Variants in SEC24D observed in about 807,000 individuals in gnomAD.
SEC24D encodes protein transport protein Sec24D.
A neutral mutation model predicts 116.9 loss-of-function variants in SEC24D; 69 were observed. The ratio of observed to expected loss-of-function variants is 0.59; its 90% CI spans 0.49 to 0.72. The LOEUF (loss-of-function observed/expected upper bound fraction) is 0.72. SEC24D is among the 30% of genes least tolerant of loss of function. The pLI is 0.00. For synonymous variants in SEC24D, 405 were observed against 442.8 expected (o/e 0.91, Z 1.07); for missense variants, 1,131 against 1,264.1 (o/e 0.89, Z 1.60).
At chr4:118,735,310 G>A (rs577293221) in intron 19 of SEC24D, among the ~76,000 whole-genome samples, 1 of 152,296 alleles carries the variant, frequency 6.6e-6, no homozygotes, top group South Asian at 2.1e-4. Context: ...TTTTTGAGGT[G>A]AGGAAGAAAA....
chr4:118,798,859 G>A (rs984423834), intron 7 of SEC24D, among the ~76,000 whole-genome samples: 3 of 152,254 alleles, frequency 2.0e-5, no homozygotes, highest in Non-Finnish European at 4.4e-5. Context: ...AGTAGTGACA[G>A]CAGGAGGCCC....
At chr4:118,821,780 T>C (rs1214727916) in intron 3 of SEC24D, among the ~76,000 whole-genome samples, 1 of 152,244 alleles carries the variant, frequency 6.6e-6, no homozygotes, top group East Asian at 1.9e-4. Context: ...ACAATCACGG[T>C]GCACTTTACC....
chr4:118,769,349 C>A (rs1011467416), intron 8 of SEC24D, among the ~76,000 whole-genome samples: 1 of 152,168 alleles, frequency 6.6e-6, no homozygotes, highest in African/African-American at 2.4e-5. Flanking sequence ...CTTCCCAACT[C>A]TTCTGGCTTT....
intron 10 of SEC24D, among the ~76,000 whole-genome samples, chr4:118,760,207 G>A (rs72669457): frequency 0.072 from 11,010 of 152,144 alleles, 498 homozygotes; most frequent in Non-Finnish European, 0.098. Flanking sequence ...CATTTCAAGC[G>A]TACAGTTCAG....
At chr4:118,773,882 C>G (rs1385117771) in intron 8 of SEC24D, among the ~76,000 whole-genome samples, 1 of 152,106 alleles carries the variant, frequency 6.6e-6, no homozygotes, top group Non-Finnish European at 1.5e-5. Context: ...ATTTACCGTA[C>G]AAGTGCTTTT....
chr4:118,730,387 T>C lies in SEC24D; in HGVS notation c.2868+929A>G, dbSNP rs566569781. 7 of 152,380 alleles carry C rather than the reference T, an allele frequency of 4.6e-5. No homozygotes were observed. The South Asian group carries it at 1.4e-3, about 32-fold the overall frequency. 9.4% of individuals were successfully genotyped at this position (152,380 alleles called of 1,614,324 possible). A position where few individuals can be genotyped will look rare whatever the true frequency, so the allele number is the denominator to read the frequency against. Reference sequence around the variant, plus strand: ...ATACACTTTTGACATTCCTCATGAATATGCAGCTCTCTAAACTGATCACCT... The same window carrying C: ...ATACACTTTTGACATTCCTCATGAACATGCAGCTCTCTAAACTGATCACCT... On this transcript the variant is annotated intron_variant, in intron 21 of 22. Transcript: ENST00000280551.
chr4:118,788,509 T>C (rs975984272), intron 8 of SEC24D, among the ~76,000 whole-genome samples: 5 of 152,244 alleles, frequency 3.3e-5, no homozygotes, highest in African/African-American at 2.4e-5. Flanking sequence ...TTCATCCAAT[T>C]GTTTTACTAT....
At chr4:118,809,875 G>A (rs557649645) in intron 6 of SEC24D, among the ~76,000 whole-genome samples, 2 of 152,288 alleles carry the variant, frequency 1.3e-5, no homozygotes, top group African/African-American at 4.8e-5. Flanking sequence ...CAGGGAGACT[G>A]AGGATGAGCA....
intron 2 of SEC24D, among the ~76,000 whole-genome samples, chr4:118,827,933 C>T (rs748359820): frequency 1.3e-5 from 2 of 151,978 alleles, no homozygotes; most frequent in Non-Finnish European, 2.9e-5. Context: ...AAATTAAAAG[C>T]CATTTGTTGG....
At position 118,723,551 on chromosome 4, in the gene SEC24D, A is replaced by G. The variant is rs770678083; in HGVS notation, c.3063T>C (p.Cys1021=). 9 of 1,613,828 alleles carry G rather than the reference A, an allele frequency of 5.6e-6. No individual in the cohort carries two copies. Among genetic ancestry groups the G allele is most frequent in the African/African-American group, 1.3e-5 (1 of 74,928 alleles). Residue 1021 remains cysteine, a synonymous_variant, in exon 23 of 23, where the codon TGT becomes TGC. Coordinates refer to ENST00000280551, the MANE Select transcript of SEC24D (RefSeq NM_014822.4). ...GCTGACAGATCTCCTTGTGAACACAACAAAGGAAATCCACATAAGAAGAGC... is the reference window on the plus strand; with the variant it reads ...GCTGACAGATCTCCTTGTGAACACAGCAAAGGAAATCCACATAAGAAGAGC... ...YGGSSYVDFL[C]CVHKEICQLL...
chr4:118,739,363 T>A, intron 17 of SEC24D, 76 bp from the exon 18 acceptor site: 1 of 1,397,676 alleles, frequency 7.2e-7, no homozygotes. Flanking sequence ...TTACTTGCAT[T>A]TACAAAACAC....
At chr4:118,785,198 G>A (rs904869516) in intron 8 of SEC24D, among the ~76,000 whole-genome samples, 1 of 152,124 alleles carries the variant, frequency 6.6e-6, no homozygotes, top group Non-Finnish European at 1.5e-5. Flanking sequence ...CTCAATAAAT[G>A]TTTGAGCACA....
chr4:118,812,053 C>T (rs1383955189), intron 6 of SEC24D, among the ~76,000 whole-genome samples: 2 of 152,070 alleles, frequency 1.3e-5, no homozygotes, highest in African/African-American at 4.8e-5. Context: ...CAGTTCCAAG[C>T]CTAAGCTTCA....
chr4:118,733,186 C>CT (rs1416057903), intron 19 of SEC24D: 1 of 246,124 alleles, frequency 4.1e-6, no homozygotes, highest in African/African-American at 2.3e-5. Flanking sequence ...AATCCCAGCT[C>CT]TGTCTTTTAG....
chr4:118,768,412 T>TG (rs1727746672), intron 8 of SEC24D, 101 bp from the exon 9 acceptor site: 1 of 921,664 alleles, frequency 1.1e-6, no homozygotes, highest in African/African-American at 1.7e-5. Context: ...TTTTTTTTTT[T>TG]GAGACAGAGT....
intron 7 of SEC24D, among the ~76,000 whole-genome samples, chr4:118,805,608 T>C (rs1729640719): frequency 6.6e-6 from 1 of 152,176 alleles, no homozygotes; most frequent in Non-Finnish European, 1.5e-5. Context: ...AATAATTGTT[T>C]TAAGCAGATA....
At chr4:118,761,613 A>G (rs1389274529) in intron 10 of SEC24D, among the ~76,000 whole-genome samples, 1 of 152,212 alleles carries the variant, frequency 6.6e-6, no homozygotes, top group Non-Finnish European at 1.5e-5. Context: ...TGGCTGGAAA[A>G]GTGTTTTGTT....
At chr4:118,825,719 A>G (rs1730568284) in intron 2 of SEC24D, 2 of 397,530 alleles carry the variant, frequency 5.0e-6, no homozygotes, top group Admixed American at 3.4e-5. Context: ...CAGTTCTTCT[A>G]TCTGCTGTCT....
intron 8 of SEC24D, among the ~76,000 whole-genome samples, chr4:118,791,186 G>T (rs1028905511): frequency 1.3e-5 from 2 of 152,022 alleles, no homozygotes; most frequent in Non-Finnish European, 2.9e-5. Context: ...AACAGGTTTG[G>T]GGTGCAGAGA....
Sources: allele counts gnomAD v4.1 joint callset (sites outside exome capture counted in the v4.1 genomes callset), GRCh38; gene constraint gnomAD v4.1.1; transcripts MANE v1.5; gene names NCBI Gene and HGNC (gene_info 2026-07-23, HGNC 2026-07-21).